The following GPC1 variants were observed in gnomAD, a reference collection of about 807,000 sequenced individuals.
GPC1 encodes glypican 1.
Under a neutral mutation model 51.5 loss-of-function variants are expected in GPC1, and 26 were observed. That is an observed-to-expected ratio of 0.50 (90% CI 0.37 to 0.70). The LOEUF is 0.70. Among genes scored for constraint, GPC1 ranks in the 30% least tolerant of loss-of-function variants. GPC1 has a pLI of 0.00. For missense variants in GPC1, 775 were observed against 800.5 expected, an observed-to-expected ratio of 0.97 and a Z score of 0.38; for synonymous variants, 380 against 348.3, an observed-to-expected ratio of 1.09 and a Z score of -1.01.
intron 1 of GPC1, chr2:240,458,759 G>C (rs1243199610): frequency 4.7e-6 from 2 of 427,698 alleles, no homozygotes; most frequent in Non-Finnish European, 8.3e-6. Context: ...CAGCAGGCTG[G>C]GGGGCAGGAC....
At chr2:240,450,670 G>A (rs2074090343) in intron 1 of GPC1, 1 of 470,416 alleles carries the variant, frequency 2.1e-6, no homozygotes, top group East Asian at 7.0e-5. Flanking sequence ...CTCTGGGGAG[G>A]AGGTGCTGGC....
chr2:240,465,083 G>A lies in GPC1; in HGVS notation c.1141G>A (p.Glu381Lys), dbSNP rs762968771. Residue 381 changes from glutamate to lysine, a missense_variant, in exon 7 of 9, where the codon GAA becomes AAA. Physicochemically the swap from Glu to Lys is moderately conservative, Grantham distance 56 (BLOSUM62 1). Transcript: ENST00000264039. ...CCTGACTGCTGCCCCACAGGTCTCC[G>A]AAGCCAAGGCCCAGCTCCGCGACGT... ...PSGTLEKLVS[E>K]AKAQLRDVQD... 6.4e-5 allele frequency: 103 copies of A among 1,605,926 alleles called. No homozygotes were observed. Among genetic ancestry groups the A allele is most frequent in the Admixed American group, 5.1e-5 (3 of 58,956 alleles).
At chr2:240,450,665 G>A in intron 1 of GPC1, 2 of 470,608 alleles carry the variant, frequency 4.2e-6, no homozygotes, top group Non-Finnish European at 8.8e-6. Flanking sequence ...GCTTCCTCTG[G>A]GGAGGAGGTG....
At chr2:240,452,609 G>T (rs1210263009) in intron 1 of GPC1, among the ~76,000 whole-genome samples, 1 of 152,090 alleles carries the variant, frequency 6.6e-6, no homozygotes, top group African/African-American at 2.4e-5. Flanking sequence ...CGGAGAACAG[G>T]AGCAGCACCC....
chr2:240,461,645 A>G (rs2074216923), intron 2 of GPC1, among the ~76,000 whole-genome samples: 1 of 152,116 alleles, frequency 6.6e-6, no homozygotes, highest in Admixed American at 6.5e-5. Flanking sequence ...TGAAGCTTCT[A>G]AATCGCAGAA....
intron 1 of GPC1, chr2:240,456,492 C>G (rs2074165445): frequency 2.4e-6 from 1 of 420,650 alleles, no homozygotes; most frequent in Non-Finnish European, 5.1e-6. Context: ...CCCGTCACAG[C>G]TGAGCCCATC....
intron 1 of GPC1, chr2:240,450,509 G>A (rs1005344969): frequency 2.2e-6 from 1 of 444,992 alleles, no homozygotes; most frequent in Non-Finnish European, 4.8e-6. Context: ...TACAGCTGCT[G>A]TGAAGATGAA....
rs1478887042 is a variant in GPC1, at chr2:240,464,716, C to A, written c.984C>A (p.Leu328=). The change falls in exon 5 of 9, where the codon CTC becomes CTA. Residue 328 remains leucine (L), a synonymous_variant. Coordinates refer to ENST00000264039, the MANE Select transcript of GPC1 (RefSeq NM_002081.3). ...HTWLAEAINA[L]QDNRDTLTAK... Reference sequence around the variant, plus strand: ...GGCTGGCGGAGGCCATCAACGCCCTCCAGGACAACAGGGACACGCTCACGG... The same window carrying A: ...GGCTGGCGGAGGCCATCAACGCCCTACAGGACAACAGGGACACGCTCACGG... The A allele has an allele frequency of 6.2e-7, 1 of 1,611,486 alleles. No homozygotes were observed. Among genetic ancestry groups the A allele is most frequent in the Non-Finnish European group, 8.5e-7 (1 of 1,179,276 alleles).
At chr2:240,464,494 C>T in intron 4 of GPC1, 122 bp from the exon 5 acceptor site, 2 of 1,335,638 alleles carry the variant, frequency 1.5e-6, no homozygotes, top group Non-Finnish European at 2.1e-6. Context: ...TGGGATCTCC[C>T]ATGCTGACCC....
intron 1 of GPC1, among the ~76,000 whole-genome samples, chr2:240,438,567 C>A (rs562256535): frequency 1.3e-5 from 2 of 152,300 alleles, no homozygotes; most frequent in African/African-American, 4.8e-5. Context: ...AGAGGGAATG[C>A]GAACCCCCTG....
intron 1 of GPC1, among the ~76,000 whole-genome samples, chr2:240,445,787 C>T (rs1306578286): frequency 6.6e-6 from 1 of 152,228 alleles, no homozygotes; most frequent in African/African-American, 2.4e-5. Context: ...GTAGACGTCG[C>T]CGCTGTTTAT....
At chr2:240,463,020 T>C (rs1234387098) in intron 3 of GPC1, among the ~76,000 whole-genome samples, 1 of 152,092 alleles carries the variant, frequency 6.6e-6, no homozygotes, top group East Asian at 1.9e-4. Flanking sequence ...AGCTGGGACA[T>C]AGGGAGGGCG....
At chr2:240,440,177 C>T (rs879669152) in intron 1 of GPC1, among the ~76,000 whole-genome samples, 12 of 152,214 alleles carry the variant, frequency 7.9e-5, no homozygotes, top group Non-Finnish European at 1.5e-4. Context: ...CTGCAAAGGC[C>T]CACACACACC....
chr2:240,456,789 A>G (rs2151794001), intron 1 of GPC1: 1 of 356,666 alleles, frequency 2.8e-6, no homozygotes, highest in East Asian at 7.7e-5. Flanking sequence ...CTGGGGCAGA[A>G]TCCCATCAGT....
intron 1 of GPC1, chr2:240,455,913 G>T: frequency 3.1e-6 from 1 of 325,464 alleles, no homozygotes; most frequent in Non-Finnish European, 6.0e-6. Context: ...CCAGCCTGCA[G>T]CGGGCCTCAG....
At chr2:240,438,987 A>T (rs529120740) in intron 1 of GPC1, among the ~76,000 whole-genome samples, 1 of 152,190 alleles carries the variant, frequency 6.6e-6, no homozygotes, top group African/African-American at 2.4e-5. Context: ...AGGAGCCCTC[A>T]TGCTGAATCA....
intron 2 of GPC1, among the ~76,000 whole-genome samples, chr2:240,461,173 T>A (rs1052307597): frequency 2.6e-5 from 4 of 152,322 alleles, no homozygotes; most frequent in African/African-American, 9.6e-5. Context: ...ACTGGACAGC[T>A]GTGTGGCCCG....
chr2:240,459,783 G>A (rs900076101), intron 2 of GPC1, among the ~76,000 whole-genome samples: 9 of 152,164 alleles, frequency 5.9e-5, no homozygotes, highest in Admixed American at 5.9e-4. Context: ...GGCCCAGGCT[G>A]GGCCTCGCCT....
At chr2:240,458,778 G>T in intron 1 of GPC1, 1 of 469,198 alleles carries the variant, frequency 2.1e-6, no homozygotes, top group Non-Finnish European at 3.8e-6. Context: ...ACTTGCCCAA[G>T]GGGCCTCCTG....
Sources: gnomAD v4.1 joint callset for allele counts (sites outside exome capture counted in the v4.1 genomes callset) on GRCh38, gnomAD v4.1.1 for gene constraint, MANE v1.5 for transcripts, NCBI Gene and HGNC (gene_info 2026-07-23, HGNC 2026-07-21) for gene names.